The following RBFOX1 variants were observed in gnomAD, a reference collection of about 807,000 sequenced individuals.
RBFOX1 encodes the protein RNA binding fox-1 homolog 1.
In RBFOX1, 8 loss-of-function variants were observed where a neutral mutation model predicts 57.7. That is an observed-to-expected ratio of 0.14 (90% CI 0.08 to 0.25). RBFOX1 has a LOEUF of 0.25. Ranked by LOEUF, RBFOX1 falls within the 10% of genes least tolerant of loss-of-function variation. The probability of loss-of-function intolerance (pLI) is 1.00; values close to 1 mark genes in which losing one functional copy is unlikely to be tolerated. For synonymous variants in RBFOX1, 326 were observed against 222.4 expected (o/e 1.47, Z -4.15); for missense variants, 611 against 548.5 (o/e 1.11, Z -1.14).
At chr16:5,893,778 C>T (rs2058097642) in intron 4 of RBFOX1, among the ~76,000 whole-genome samples, 1 of 151,280 alleles carries the variant, frequency 6.6e-6, no homozygotes, top group African/African-American at 2.4e-5. Context: ...TGCACTCCAG[C>T]CTGGGTGACA....
intron 3 of RBFOX1, among the ~76,000 whole-genome samples, chr16:6,732,910 A>G (rs1233153691): frequency 6.6e-6 from 1 of 152,206 alleles, no homozygotes; most frequent in African/African-American, 2.4e-5. Flanking sequence ...GTTATATTTC[A>G]TGACAAATGA....
chr16:6,609,027 G>A (rs940198327), intron 2 of RBFOX1, among the ~76,000 whole-genome samples: 7 of 152,132 alleles, frequency 4.6e-5, no homozygotes, highest in Non-Finnish European at 8.8e-5. Context: ...TGACCCTTCT[G>A]TCTCCCTCTC....
intron 2 of RBFOX1, among the ~76,000 whole-genome samples, chr16:6,497,014 C>T (rs1238937503): frequency 1.3e-5 from 2 of 152,148 alleles, no homozygotes; most frequent in Non-Finnish European, 2.9e-5. Flanking sequence ...CCAAGTACTA[C>T]GAGAGGCACT....
chr16:6,126,710 A>G (rs948855220), intron 1 of RBFOX1, among the ~76,000 whole-genome samples: 1 of 152,042 alleles, frequency 6.6e-6, no homozygotes, highest in East Asian at 1.9e-4. Flanking sequence ...TTCTTTTTTT[A>G]CACCAGAACT....
chr16:5,642,716 G>A (rs1252034293), intron 3 of RBFOX1, among the ~76,000 whole-genome samples: 1 of 152,142 alleles, frequency 6.6e-6, no homozygotes, highest in Non-Finnish European at 1.5e-5. Flanking sequence ...GGGAGGGGGA[G>A]GACTCATGTG....
chr16:6,886,783 C>G (rs988707226), intron 3 of RBFOX1, among the ~76,000 whole-genome samples: 7 of 136,864 alleles, frequency 5.1e-5, no homozygotes, highest in East Asian at 4.3e-4. Context: ...CAAAACAAAA[C>G]AAAAAAAAAA....
At chr16:6,768,053 G>A (rs180709879) in intron 3 of RBFOX1, among the ~76,000 whole-genome samples, 1 of 151,728 alleles carries the variant, frequency 6.6e-6, no homozygotes, top group African/African-American at 2.4e-5. Context: ...GAAGGAGCTA[G>A]TGAATTTTCT....
Position 5,647,362 on chromosome 16 carries a change from G to T in RBFOX1, c.318+48401G>T, listed in dbSNP as rs969695572. Among the ~76,000 whole-genome samples, 4 of 152,134 alleles carry T rather than the reference G, an allele frequency of 2.6e-5. No individual in the cohort carries two copies. The East Asian group carries it at 5.8e-4, about 22-fold the overall frequency. ...AGGAAATTGTATTTTAGAAAAATTA[G>T]GTCCCTTTTCTTCTTAAATGTGCCT... On this transcript the variant is annotated intron_variant, in intron 3 of 19. Transcript: ENST00000641259.
At chr16:7,138,374 A>G (rs889321851) in intron 4 of RBFOX1, among the ~76,000 whole-genome samples, 4 of 152,170 alleles carry the variant, frequency 2.6e-5, no homozygotes, top group Admixed American at 6.5e-5. Flanking sequence ...TGGCTTTGGC[A>G]CTATGTCACA....
chr16:5,789,932 C>T (rs773960297), intron 3 of RBFOX1, among the ~76,000 whole-genome samples: 15 of 152,146 alleles, frequency 9.9e-5, no homozygotes, highest in East Asian at 3.9e-4. Flanking sequence ...GTGCTAGCTG[C>T]GGCAATGGTG....
chr16:7,331,878 T>G (rs958776534), intron 4 of RBFOX1, among the ~76,000 whole-genome samples: 8 of 152,184 alleles, frequency 5.3e-5, no homozygotes, highest in Admixed American at 2.0e-4. Flanking sequence ...ATGTAACATA[T>G]CCCAAATGAT....
chr16:5,509,320 A>G (rs1485994295), intron 2 of RBFOX1, among the ~76,000 whole-genome samples: 1 of 152,188 alleles, frequency 6.6e-6, no homozygotes, highest in Admixed American at 6.6e-5. Context: ...GATGTCCCAC[A>G]GCTGGCCGGA....
chr16:7,208,546 C>G (rs879316593), intron 4 of RBFOX1, among the ~76,000 whole-genome samples: 2 of 152,086 alleles, frequency 1.3e-5, no homozygotes, highest in Non-Finnish European at 2.9e-5. Context: ...TTTTCACAAC[C>G]TGTTCTCTGC....
At position 6,144,272 on chromosome 16, in the gene RBFOX1, A is replaced by G. The variant is rs139151313; in HGVS notation, c.-127+124280A>G. Among the ~76,000 whole-genome samples, 24 of 152,296 alleles carry G rather than the reference A, an allele frequency of 1.6e-4. No individual in the cohort carries two copies. In the East Asian group the frequency reaches 4.3e-3, roughly 27 times the overall value. The stretch of plus-strand genomic sequence containing the variant: ...TTCTGTTAATGATAATTTATTAGGC[A>G]TATTGTTCCTATCCAGAGATGGGCT... On this transcript the variant is annotated intron_variant, in intron 1 of 15. Coordinates refer to ENST00000550418, the MANE Select transcript of RBFOX1 (RefSeq NM_018723.4).
chr16:7,263,354 C>T (rs1041025789), intron 4 of RBFOX1, among the ~76,000 whole-genome samples: 3 of 152,006 alleles, frequency 2.0e-5, no homozygotes, highest in Admixed American at 6.6e-5. Context: ...CCCAGAATTT[C>T]GATGTTCTCA....
At chr16:5,455,029 C>T (rs148221282) in intron 1 of RBFOX1, among the ~76,000 whole-genome samples, 971 of 89,968 alleles carry the variant, frequency 0.011, 29 homozygotes, top group East Asian at 0.072. Flanking sequence ...CTTTCTCTCT[C>T]TCTGTCTGTC....
At chr16:7,382,101 C>G (rs909897279) in intron 4 of RBFOX1, among the ~76,000 whole-genome samples, 1 of 152,152 alleles carries the variant, frequency 6.6e-6, no homozygotes, top group Admixed American at 6.5e-5. Flanking sequence ...AAAATTCAAC[C>G]TATTCTGAGA....
chr16:7,358,956 C>G (rs2097268335), intron 4 of RBFOX1, among the ~76,000 whole-genome samples: 1 of 152,200 alleles, frequency 6.6e-6, no homozygotes, highest in Non-Finnish European at 1.5e-5. Flanking sequence ...AACATTTCTC[C>G]TTTTAATAGA....
At chr16:5,290,506 T>A (rs1213202110) in intron 1 of RBFOX1, among the ~76,000 whole-genome samples, 1 of 152,124 alleles carries the variant, frequency 6.6e-6, no homozygotes, top group Admixed American at 6.5e-5. Flanking sequence ...AACCATTGAT[T>A]TGTTCATTTT....
Sources: allele counts gnomAD v4.1 joint callset (sites outside exome capture counted in the v4.1 genomes callset), GRCh38; gene constraint gnomAD v4.1.1; transcripts MANE v1.5; gene names NCBI Gene and HGNC (gene_info 2026-07-23, HGNC 2026-07-21).